Variants in CCDC192 observed in about 807,000 individuals in gnomAD.
CCDC192 encodes the protein coiled-coil domain-containing protein 192.
At chr5:127,800,393 AAAAAAAAACAAC>A (rs1397227626) in intron 5 of CCDC192, among the ~76,000 whole-genome samples, 69 of 139,464 alleles carry the variant, frequency 4.9e-4, no homozygotes, top group African/African-American at 1.7e-3. Context: ...AAAAAAAAAA[AAAAAAAAACAAC>A]AACAACAAAA....
intron 5 of CCDC192, among the ~76,000 whole-genome samples, chr5:127,852,155 C>T (rs969170605): frequency 2.0e-5 from 3 of 152,154 alleles, no homozygotes; most frequent in African/African-American, 7.2e-5. Flanking sequence ...TCACACGTGC[C>T]TCCTCTCCTT....
At position 127,842,071 on chromosome 5, in the gene CCDC192, G is replaced by C. The variant is rs556344766; in HGVS notation, c.412-33467G>C. Among the ~76,000 whole-genome samples the C allele has an allele frequency of 1.2e-4, 19 of 152,318 alleles. 1 individual carries two copies. The South Asian group carries it at 3.5e-3, about 28-fold the overall frequency. ...ATTGCTTTTTGTAAGGAAAATGGGC[G>C]GAGGTGCCAGCTCCTCTGAATTTTC... is the stretch of plus-strand genomic sequence containing the variant. On this transcript the variant is annotated intron_variant, in intron 5 of 6. Transcript: ENST00000514853.
chr5:127,815,708 A>G (rs1748985516), intron 5 of CCDC192, among the ~76,000 whole-genome samples: 1 of 152,068 alleles, frequency 6.6e-6, no homozygotes, highest in South Asian at 2.1e-4. Context: ...TCTACTAAAA[A>G]TACAAAAAAA....
intron 2 of CCDC192, among the ~76,000 whole-genome samples, chr5:127,749,702 T>TTG (rs1380982358): frequency 6.6e-6 from 1 of 152,228 alleles, no homozygotes; most frequent in Non-Finnish European, 1.5e-5. Flanking sequence ...CAGTTCCTCC[T>TTG]TTTACCTATG....
chr5:127,765,556 G>A (rs1354868347), intron 3 of CCDC192, among the ~76,000 whole-genome samples: 2 of 152,104 alleles, frequency 1.3e-5, no homozygotes, highest in African/African-American at 4.8e-5. Flanking sequence ...GTGTAAAAAC[G>A]TCCTGAGCAT....
intron 5 of CCDC192, among the ~76,000 whole-genome samples, chr5:127,832,450 C>T (rs1372912634): frequency 6.6e-6 from 1 of 151,940 alleles, no homozygotes; most frequent in Non-Finnish European, 1.5e-5. Flanking sequence ...ACAGTATAAT[C>T]GCATTAATGT....
At chr5:127,713,234 CAA>C (rs1405311583) in intron 2 of CCDC192, among the ~76,000 whole-genome samples, 1 of 139,462 alleles carries the variant, frequency 7.2e-6, no homozygotes, top group Non-Finnish European at 1.6e-5. Context: ...AACTCTATCT[CAA>C]AAAAAAAAAA....
At chr5:127,860,369 G>A (rs1447678807) in intron 5 of CCDC192, among the ~76,000 whole-genome samples, 2 of 152,116 alleles carry the variant, frequency 1.3e-5, no homozygotes, top group East Asian at 1.9e-4. Context: ...AATTTTCTCT[G>A]CTTTGGAAAG....
At chr5:127,716,839 C>G (rs1751648272) in intron 2 of CCDC192, among the ~76,000 whole-genome samples, 1 of 152,168 alleles carries the variant, frequency 6.6e-6, no homozygotes, top group South Asian at 2.1e-4. Context: ...TCCATATCTC[C>G]CCTTGGAATT....
intron 5 of CCDC192, among the ~76,000 whole-genome samples, chr5:127,807,492 G>A (rs73783977): frequency 6.6e-6 from 1 of 151,882 alleles, no homozygotes. Flanking sequence ...AAGCTTCTTG[G>A]GGGTAGAGCC....
chr5:127,829,969 G>A (rs1749710449), intron 5 of CCDC192, among the ~76,000 whole-genome samples: 1 of 152,084 alleles, frequency 6.6e-6, no homozygotes, highest in African/African-American at 2.4e-5. Context: ...AATTTGCATT[G>A]TGAAATGGAA....
intron 3 of CCDC192, among the ~76,000 whole-genome samples, chr5:127,754,973 A>G (rs1580602563): frequency 6.6e-6 from 1 of 152,312 alleles, no homozygotes; most frequent in South Asian, 2.1e-4. Context: ...GGCTGTGGGT[A>G]TAAGTAAAGC....
intron 3 of CCDC192, among the ~76,000 whole-genome samples, chr5:127,765,468 ACTTT>A (rs1419885937): frequency 1.3e-5 from 2 of 152,174 alleles, no homozygotes; most frequent in Non-Finnish European, 2.9e-5. Flanking sequence ...TCTAAGTTTT[ACTTT>A]CTGATACAAT....
Position 127,909,649 on chromosome 5 carries a change from A to G in CCDC192, c.536-31533A>G, listed in dbSNP as rs149760121. 3.0e-3 allele frequency among the ~76,000 whole-genome samples: 460 copies of G among 152,268 alleles called. 1 individual carries two copies. The highest frequency in any genetic ancestry group is 0.014 in the Middle Eastern group (4 of 294). ...TTAATGGAAAAAAAAAACTAGAAGC[A>G]ACTTTCATATTTTCTGAGCTTGGTC... is the stretch of plus-strand genomic sequence containing the variant. On this transcript the variant is annotated intron_variant, in intron 6 of 6. Transcript: ENST00000514853.
intron 6 of CCDC192, among the ~76,000 whole-genome samples, chr5:127,885,586 G>A (rs576522819): frequency 2.7e-4 from 41 of 152,268 alleles, no homozygotes; most frequent in Non-Finnish European, 4.6e-4. Context: ...TTTCCTTATA[G>A]GAGGTTAAGG....
intron 2 of CCDC192, among the ~76,000 whole-genome samples, chr5:127,733,462 C>G (rs1245714408): frequency 6.6e-6 from 1 of 152,148 alleles, no homozygotes; most frequent in Non-Finnish European, 1.5e-5. Context: ...AAATTACTGT[C>G]TTAAAGTCAC....
intron 6 of CCDC192, among the ~76,000 whole-genome samples, chr5:127,935,056 G>GC (rs1754150372): frequency 6.6e-6 from 1 of 152,176 alleles, no homozygotes; most frequent in South Asian, 2.1e-4. Flanking sequence ...ATACTTGGCA[G>GC]CCTTAGTCAT....
At chr5:127,819,219 G>A (rs139386886) in intron 5 of CCDC192, among the ~76,000 whole-genome samples, 1 of 152,110 alleles carries the variant, frequency 6.6e-6, no homozygotes, top group South Asian at 2.1e-4. Flanking sequence ...ACACGCTAAG[G>A]CAACTACTAG....
At chr5:127,722,457 A>C (rs1752080599) in intron 2 of CCDC192, among the ~76,000 whole-genome samples, 1 of 151,992 alleles carries the variant, frequency 6.6e-6, no homozygotes, top group Non-Finnish European at 1.5e-5. Flanking sequence ...GAAGCTTTTT[A>C]ATGTCATGTG....
Sources: gnomAD v4.1 joint callset for allele counts (sites outside exome capture counted in the v4.1 genomes callset) on GRCh38, gnomAD v4.1.1 for gene constraint, MANE v1.5 for transcripts, NCBI Gene and HGNC (gene_info 2026-07-23, HGNC 2026-07-21) for gene names.